SYT11: variants seen among roughly 807,000 people sequenced by gnomAD.
SYT11 encodes synaptotagmin-11.
SYT11 carries 12 observed loss-of-function variants against 30.4 expected under a neutral mutation model. The observed-to-expected ratio is 0.39, with a 90% confidence interval of 0.25 to 0.64. SYT11 has a LOEUF of 0.64. Among genes scored for constraint, SYT11 ranks in the 30% least tolerant of loss-of-function variants. The pLI is 0.45. For synonymous variants in SYT11, 204 were observed against 216.0 expected (o/e 0.94, Z 0.49); for missense variants, 412 against 552.0 (o/e 0.75, Z 2.54).
chr1:155,881,119 A>G, intron 3 of SYT11, 79 bp from the exon 4 acceptor site: 1 of 1,456,798 alleles, frequency 6.9e-7, no homozygotes, highest in Non-Finnish European at 9.3e-7. Flanking sequence ...CCCCTTTCCC[A>G]ACATGAAATT....
intron 1 of SYT11, among the ~76,000 whole-genome samples, chr1:155,861,907 T>A (rs1672598699): frequency 6.6e-6 from 1 of 152,240 alleles, no homozygotes. Flanking sequence ...TGTGAGCCAC[T>A]GCACCTGGCC....
Position 155,881,438 on chromosome 1 carries a change from A to C in SYT11, c.1226A>C (p.Glu409Ala). ...GAHSVTASGA[E>A]HWREVCESPR... ...CACAGTGTCACAGCCAGTGGTGCTG[A>C]ACACTGGAGAGAGGTCTGCGAGAGC... Residue 409 changes from glutamate (E) to alanine (A), a missense_variant, in exon 4 of 4, where the codon GAA becomes GCA. Glu to Ala is a moderately radical substitution (Grantham distance 107). Coordinates refer to ENST00000368324, the MANE Select transcript of SYT11 (RefSeq NM_152280.5). 1 of 1,613,924 alleles carries C rather than the reference A, an allele frequency of 6.2e-7. No individual in the cohort carries two copies. Among genetic ancestry groups the C allele is most frequent in the Non-Finnish European group, 8.5e-7 (1 of 1,179,954 alleles).
At position 155,860,584 on chromosome 1, in the gene SYT11, G is replaced by T. The variant is rs1571969903; in HGVS notation, c.34+789G>T. On this transcript the variant is annotated intron_variant, in intron 1 of 3. Coordinates refer to ENST00000368324, the MANE Select transcript of SYT11 (RefSeq NM_152280.5). This position sits in a 1 kb window ranked among gnomAD's most constrained non-coding sequence, Gnocchi z 4.1. ...AAAAGGGGGACTGACCAGCGTTGAT[G>T]CTGGCGGGGGCGCGATCCAGGCCGG... Among the ~76,000 whole-genome samples the T allele has an allele frequency of 6.6e-6, 1 of 152,186 alleles. No individual in the cohort carries two copies. The highest frequency in any genetic ancestry group is 1.9e-4 in the East Asian group (1 of 5,182).
At position 155,874,478 on chromosome 1, in the gene SYT11, T is replaced by TGTG. The variant is rs1553226161; in HGVS notation, c.861+5687_861+5688insGTG. Among the ~76,000 whole-genome samples, 107 of 151,578 alleles carry TGTG rather than the reference T, an allele frequency of 7.1e-4. 1 individual carries two copies. Among genetic ancestry groups the TGTG allele is most frequent in the Middle Eastern group, 3.4e-3 (1 of 294 alleles). On this transcript the variant is annotated intron_variant, in intron 2 of 3. Transcript: ENST00000368324. The stretch of plus-strand genomic sequence containing the variant: ...AGCTGAGCCTGGTAGCACATGCCTG[T>TGTG]AGTCCCATCTACTCAGGATGCTGAG...
intron 2 of SYT11, among the ~76,000 whole-genome samples, chr1:155,876,767 T>C (rs1182946339): frequency 2.0e-5 from 3 of 151,880 alleles, no homozygotes; most frequent in African/African-American, 4.8e-5. Flanking sequence ...ATTTCTTCTG[T>C]AGCACGTTGC....
rs111355071 is a variant in SYT11 at position 155,884,384 on chromosome 1, C to T, written c.*2876C>T. 1 of 152,904 alleles carries T rather than the reference C, an allele frequency of 6.5e-6. No individual in the cohort carries two copies. Among genetic ancestry groups the T allele is most frequent in the Non-Finnish European group, 1.5e-5 (1 of 68,148 alleles). The allele number at this position is 152,904 out of a possible 1,614,324, so 9.5% of individuals were successfully genotyped here. On this transcript the variant is annotated 3_prime_UTR_variant, in exon 4 of 4. Transcript: ENST00000368324. ...GGTGACAGGGGAGGAACCAGTTGTT[C>T]TGTAGCCTAGGAACTGCCTCAGTGT...
Position 155,881,205 on chromosome 1 carries a change from T to C in SYT11, c.993T>C (p.Tyr331=), listed in dbSNP as rs1214922516. The C allele has an allele frequency of 1.2e-6, 2 of 1,612,936 alleles. No individual in the cohort carries two copies. Among genetic ancestry groups the C allele is most frequent in the Non-Finnish European group, 1.7e-6 (2 of 1,179,174 alleles). The change falls in exon 4 of 4, where the codon TAT becomes TAC. Residue 331 remains tyrosine, a synonymous_variant. Coordinates refer to ENST00000368324, the MANE Select transcript of SYT11 (RefSeq NM_152280.5). ...TCTCTTTGGGGGCCCCAGATCCTTA[T>C]GTCAAGGTGAACGTCTACTACGGCA... ...MDITGLSGNP[Y]VKVNVYYGRK...
intron 1 of SYT11, 97 bp downstream of exon 1, chr1:155,859,892 G>T: frequency 8.1e-7 from 1 of 1,228,008 alleles, no homozygotes; most frequent in Admixed American, 1.7e-5. Flanking sequence ...CCAGACCAGA[G>T]CCTTCAAAAT....
intron 1 of SYT11, among the ~76,000 whole-genome samples, chr1:155,867,268 A>G (rs1399773015): frequency 1.3e-5 from 2 of 152,160 alleles, no homozygotes; most frequent in Non-Finnish European, 2.9e-5. Context: ...CATGTTGGTC[A>G]GTCTGGTCTT....
intron 2 of SYT11, among the ~76,000 whole-genome samples, chr1:155,873,748 T>A (rs1461646881): frequency 2.6e-5 from 4 of 152,216 alleles, no homozygotes; most frequent in African/African-American, 7.2e-5. Context: ...CTAGTGTAAC[T>A]GAGGAACTAT....
intron 2 of SYT11, among the ~76,000 whole-genome samples, chr1:155,875,143 C>T (rs150866307): frequency 1.7e-4 from 24 of 139,658 alleles, no homozygotes; most frequent in African/African-American, 5.6e-4. Context: ...GTCCCAGCTA[C>T]TCGGGAGGCT....
chr1:155,864,418 C>T (rs1161981191), intron 1 of SYT11, among the ~76,000 whole-genome samples: 2 of 152,162 alleles, frequency 1.3e-5, no homozygotes, highest in African/African-American at 4.8e-5. Context: ...GGACATTATG[C>T]TCATAGTATT....
intron 2 of SYT11, among the ~76,000 whole-genome samples, chr1:155,870,180 G>A (rs1672759625): frequency 6.6e-6 from 1 of 152,168 alleles, no homozygotes; most frequent in Non-Finnish European, 1.5e-5. Context: ...GTCTTTTTCA[G>A]GGTATAACAT....
chr1:155,881,211 G>A lies in SYT11; in HGVS notation c.999G>A (p.Lys333=). 1.2e-6 allele frequency: 2 copies of A among 1,613,392 alleles called. No homozygotes were observed. The highest frequency in any genetic ancestry group is 2.2e-5 in the South Asian group (2 of 91,056). ...TGGGGGCCCCAGATCCTTATGTCAA[G>A]GTGAACGTCTACTACGGCAGAAAGC... ...ITGLSGNPYV[K]VNVYYGRKRI... Residue 333 remains lysine (K), a synonymous_variant, in exon 4 of 4, where the codon AAG becomes AAA. Coordinates refer to ENST00000368324, the MANE Select transcript of SYT11 (RefSeq NM_152280.5).
chr1:155,873,859 C>A (rs891602565), intron 2 of SYT11, among the ~76,000 whole-genome samples: 2 of 152,272 alleles, frequency 1.3e-5, no homozygotes, highest in Admixed American at 6.5e-5. Context: ...GGAATCCATT[C>A]AATTTTCTTT....
At chr1:155,875,863 G>GT (rs1672851543) in intron 2 of SYT11, among the ~76,000 whole-genome samples, 1 of 152,110 alleles carries the variant, frequency 6.6e-6, no homozygotes, top group African/African-American at 2.4e-5. Flanking sequence ...CTTATTTCTT[G>GT]TTTTTTATTG....
Position 155,860,499 on chromosome 1 carries a change from G to A in SYT11, c.34+704G>A, listed in dbSNP as rs868428083. On this transcript the variant is annotated intron_variant, in intron 1 of 3. Coordinates refer to ENST00000368324, the MANE Select transcript of SYT11 (RefSeq NM_152280.5). This position sits in a 1 kb window ranked among gnomAD's most constrained non-coding sequence, Gnocchi z 4.1. ...GTGATGTCTATTTCTGGGCCTCCTGGCAGCGCCGACGCTCTCCTTCCGGGG... is the reference window on the plus strand; with the variant it reads ...GTGATGTCTATTTCTGGGCCTCCTGACAGCGCCGACGCTCTCCTTCCGGGG... Among the ~76,000 whole-genome samples the A allele has an allele frequency of 1.2e-4, 18 of 152,016 alleles. No homozygotes were observed. Among genetic ancestry groups the A allele is most frequent in the African/African-American group, 3.9e-4 (16 of 41,380 alleles).
chr1:155,868,469 A>T lies in SYT11; in HGVS notation c.539A>T (p.Glu180Val). 1 of 1,614,168 alleles carries T rather than the reference A, an allele frequency of 6.2e-7. No homozygotes were observed. Among genetic ancestry groups the T allele is most frequent in the Non-Finnish European group, 8.5e-7 (1 of 1,180,014 alleles). The change falls in exon 2 of 4, where the codon GAG (glutamate) becomes GTG (valine). Residue 180 changes from glutamate to valine, a missense_variant. Glu to Val is a moderately radical substitution (Grantham distance 121). Coordinates refer to ENST00000368324, the MANE Select transcript of SYT11 (RefSeq NM_152280.5). This position sits in a 1 kb window ranked among gnomAD's most constrained non-coding sequence, Gnocchi z 4.7. ...AAAGCCCTGGTGGTGACAATCCAGG[A>T]GGCCCATGGGCTGCCAGTGATGGAT... ...PKKALVVTIQ[E>V]AHGLPVMDDQ...
intron 1 of SYT11, among the ~76,000 whole-genome samples, chr1:155,866,927 CAT>C (rs1475132562): frequency 1.3e-5 from 2 of 150,950 alleles, no homozygotes; most frequent in African/African-American, 2.4e-5. Flanking sequence ...TACACACACA[CAT>C]ATATACATAT....
Sources: gnomAD v4.1 joint callset for allele counts (sites outside exome capture counted in the v4.1 genomes callset) on GRCh38, gnomAD v4.1.1 for gene constraint, Gnocchi (gnomAD v3.1) non-coding constraint, MANE v1.5 for transcripts, NCBI Gene and HGNC (gene_info 2026-07-23, HGNC 2026-07-21) for gene names.